RUSC2: variants seen among roughly 807,000 people sequenced by gnomAD.
RUSC2 encodes AP-4 complex accessory subunit RUSC2.
Under a neutral mutation model 122.2 loss-of-function variants are expected in RUSC2, and 34 were observed. The observed-to-expected ratio is 0.28, with a 90% CI of 0.21 to 0.37. The LOEUF (loss-of-function observed/expected upper bound fraction) is 0.37, where lower values mean the gene tolerates loss of function less well. RUSC2 is among the 10% of genes least tolerant of loss of function. The probability of loss-of-function intolerance (pLI) is 1.00; values close to 1 mark genes in which losing one functional copy is unlikely to be tolerated. For missense variants in RUSC2, 1,747 were observed against 1,952.4 expected, an observed-to-expected ratio of 0.89 and a Z score of 1.98; for synonymous variants, 784 against 790.0, an observed-to-expected ratio of 0.99 and a Z score of 0.13.
rs890908017 is a variant in RUSC2, at chr9:35,555,813, C to A, written c.2656+112C>A. 1.4e-6 allele frequency: 2 copies of A among 1,462,694 alleles called. No homozygotes were observed. The highest frequency in any genetic ancestry group is 9.2e-7 in the Non-Finnish European group (1 of 1,087,202). 90.6% of individuals were successfully genotyped at this position (1,462,694 alleles called of 1,614,324 possible). On this transcript the variant is annotated intron_variant, in intron 3 of 11. Coordinates refer to ENST00000361226, the MANE Select transcript of RUSC2 (RefSeq NM_014806.5). The surrounding 1 kb of genome is among the most constrained non-coding windows in gnomAD (Gnocchi z 4.6). ...CACCTGGGGCCAGAGGTTAGGATGT[C>A]TGCATCCCTCCCTCAGCATCTGTAG...
At chr9:35,534,492 A>ATT (rs1336230581) in intron 1 of RUSC2, among the ~76,000 whole-genome samples, 2 of 149,702 alleles carry the variant, frequency 1.3e-5, no homozygotes, top group Non-Finnish European at 3.0e-5. Context: ...TTACTTATTT[A>ATT]TTTTTTTGAG....
In RUSC2 at chr9:35,555,888, G is replaced by A; in HGVS notation, c.2657-64G>A. 3 of 1,568,224 alleles carry A rather than the reference G, an allele frequency of 1.9e-6. No homozygotes were observed. The highest frequency in any genetic ancestry group is 2.6e-6 in the Non-Finnish European group (3 of 1,151,068). ...TTTCATATGGGCCCACTGGGTGGAT[G>A]TGAAACTCTGTCTCGCTGTCTCCTG... On this transcript the variant is annotated intron_variant, in intron 3 of 11. Transcript: ENST00000361226. The surrounding 1 kb of genome is among the most constrained non-coding windows in gnomAD (Gnocchi z 4.6).
chr9:35,556,293 T>C lies in RUSC2; in HGVS notation c.2843-15T>C. The C allele has an allele frequency of 1.2e-6, 2 of 1,613,560 alleles. No homozygotes were observed. The highest frequency in any genetic ancestry group is 1.7e-6 in the Non-Finnish European group (2 of 1,179,740). ...ACTGAGAGTTGCTCAGGATTGATTT[T>C]TCTCTTCTTTCCAGGCCAAGCAGTG... On this transcript the variant is annotated splice_polypyrimidine_tract_variant and intron_variant, in intron 4 of 11. Transcript: ENST00000361226.
intron 1 of RUSC2, among the ~76,000 whole-genome samples, chr9:35,519,358 A>C (rs997304522): frequency 1.3e-5 from 2 of 152,226 alleles, no homozygotes; most frequent in African/African-American, 4.8e-5. Flanking sequence ...CAGCCTGGAC[A>C]AAACCTATCC....
At position 35,546,979 on chromosome 9, in the gene RUSC2, C is replaced by G; in HGVS notation, c.458C>G (p.Pro153Arg). The change falls in exon 2 of 12, where the codon CCC becomes CGC. Residue 153 changes from proline to arginine, a missense_variant. By Grantham distance (103) the Pro-to-Arg change is moderately radical. Transcript: ENST00000361226. This position sits in a 1 kb window ranked among gnomAD's most constrained non-coding sequence, Gnocchi z 4.3. ...LSSFQLPPSGPRVGRPWGTTR... is the reference protein window; with the variant it reads ...LSSFQLPPSGRRVGRPWGTTR... ...TCTTTCCAGCTGCCACCATCTGGCCCCAGAGTGGGCAGGCCATGGGGGACA... is the reference window on the plus strand; with the variant it reads ...TCTTTCCAGCTGCCACCATCTGGCCGCAGAGTGGGCAGGCCATGGGGGACA... The G allele has an allele frequency of 6.3e-7, 1 of 1,590,088 alleles. No individual in the cohort carries two copies.
Position 35,561,422 on chromosome 9 carries a change from C to G in RUSC2, c.*40C>G, listed in dbSNP as rs770376587. The G allele has an allele frequency of 1.2e-5, 19 of 1,527,854 alleles. No homozygotes were observed. In the African/African-American group the frequency reaches 1.9e-4, roughly 16 times the overall value. The allele number at this position is 1,527,854 out of a possible 1,614,324, so 94.6% of individuals were successfully genotyped here. A position where few individuals can be genotyped will look rare whatever the true frequency, so the allele number is the denominator to read the frequency against. On this transcript the variant is annotated 3_prime_UTR_variant, in exon 12 of 12. Coordinates refer to ENST00000361226, the MANE Select transcript of RUSC2 (RefSeq NM_014806.5). ...TGGTGGCCTCAGGGACCCTCATAAC[C>G]CCCAGACTCAGAGCCCGAGAGCCCT...
At chr9:35,545,190 G>T (rs1252658594) in intron 1 of RUSC2, among the ~76,000 whole-genome samples, 1 of 152,136 alleles carries the variant, frequency 6.6e-6, no homozygotes, top group Admixed American at 6.5e-5. Flanking sequence ...TGGTCTACAT[G>T]AGTTAAATTT....
chr9:35,560,503 G>A lies in RUSC2; in HGVS notation c.3863G>A (p.Gly1288Asp). Reference protein sequence around the residue: ...SQVYIDGSIEGSRFPRGSSNS... With the variant: ...SQVYIDGSIEDSRFPRGSSNS... ...GTCTACATCGATGGCTCCATTGAGG[G>A]TTCCAGGTTCCCTCGTGGTAGCAGC... The change falls in exon 10 of 12, where the codon GGT becomes GAT. Residue 1288 changes from glycine (G) to aspartate (D), a missense_variant. By Grantham distance (94) the Gly-to-Asp change is moderately conservative. Transcript: ENST00000361226. 2 of 1,614,210 alleles carry A rather than the reference G, an allele frequency of 1.2e-6. No individual in the cohort carries two copies. The highest frequency in any genetic ancestry group is 1.7e-6 in the Non-Finnish European group (2 of 1,180,020).
chr9:35,560,743 C>A lies in RUSC2; in HGVS notation c.4103C>A (p.Ser1368Ter). ...CGGGAGAGGGAAGGGCCCGCTGCCT[C>A]GCCAGCAGAAAATGAGGAAGGGGCC... is the stretch of plus-strand genomic sequence containing the variant. Reference protein sequence around the residue: ...RSREREGPAASPAENEEGASE... With the variant: ...RSREREGPAA Residue 1368 changes from serine (S) to a stop codon, truncating the protein, a stop_gained, in exon 10 of 12, where the codon TCG (serine) becomes TAG (stop). Coordinates refer to ENST00000361226, the MANE Select transcript of RUSC2 (RefSeq NM_014806.5). LOFTEE classifies it high-confidence loss of function. The A allele has an allele frequency of 6.5e-7, 1 of 1,539,644 alleles. No individual in the cohort carries two copies. The highest frequency in any genetic ancestry group is 8.7e-7 in the Non-Finnish European group (1 of 1,145,124).
chr9:35,558,739 G>T lies in RUSC2; in HGVS notation c.3341+172G>T, dbSNP rs530199780. ...GTCACTGCCTCCCCACTGTGCCCAT[G>T]ACTCTGTCACTGGTCACCAACGTGG... On this transcript the variant is annotated intron_variant, in intron 8 of 11. Transcript: ENST00000361226. The surrounding 1 kb of genome is among the most constrained non-coding windows in gnomAD (Gnocchi z 4.3). 1.3e-5 allele frequency among the ~76,000 whole-genome samples: 2 copies of T among 152,340 alleles called. No individual in the cohort carries two copies. Among genetic ancestry groups the T allele is most frequent in the Non-Finnish European group, 2.9e-5 (2 of 68,032 alleles).
chr9:35,493,752 C>T (rs7027060), intron 1 of RUSC2, among the ~76,000 whole-genome samples: 5,182 of 152,230 alleles, frequency 0.034, 311 homozygotes, highest in African/African-American at 0.12. Context: ...ATCCACTAGC[C>T]TCAGCCTCCC....
chr9:35,505,600 A>C (rs557221837), intron 1 of RUSC2, among the ~76,000 whole-genome samples: 1 of 152,334 alleles, frequency 6.6e-6, no homozygotes, highest in Non-Finnish European at 1.5e-5. Flanking sequence ...TCAGAGATCT[A>C]GAGAGAAATT....
intron 1 of RUSC2, among the ~76,000 whole-genome samples, chr9:35,506,520 A>G (rs1238760452): frequency 6.6e-6 from 1 of 152,220 alleles, no homozygotes; most frequent in South Asian, 2.1e-4. Flanking sequence ...ATAGAGAATG[A>G]ATGAATGAAT....
chr9:35,561,857 T>TATTA lies in RUSC2; in HGVS notation c.*476_*479dup. 3.1e-6 allele frequency: 2 copies of TATTA among 650,746 alleles called. No individual in the cohort carries two copies. The highest frequency in any genetic ancestry group is 1.8e-5 in the South Asian group (1 of 57,032). The allele number at this position is 650,746 out of a possible 1,614,324, so 40.3% of individuals were successfully genotyped here. ...CTGTTTATGTATTTATTTATTTATT[T>TATTA]ATTATACCTATTAATAAAAAAGGTG... On this transcript the variant is annotated 3_prime_UTR_variant, in exon 12 of 12. Coordinates refer to ENST00000361226, the MANE Select transcript of RUSC2 (RefSeq NM_014806.5).
intron 2 of RUSC2, chr9:35,549,170 T>A: frequency 1.0e-6 from 1 of 985,408 alleles, no homozygotes; most frequent in Non-Finnish European, 1.2e-6. Flanking sequence ...ATAGGGGCTG[T>A]AATCACAGGA....
chr9:35,524,455 C>CT (rs1222636149), intron 1 of RUSC2, among the ~76,000 whole-genome samples: 6 of 152,136 alleles, frequency 3.9e-5, no homozygotes, highest in African/African-American at 1.4e-4. Flanking sequence ...CCATAGATTG[C>CT]TTATTAATTA....
In RUSC2 at chr9:35,557,772, A is replaced by G; in HGVS notation, c.2984-142A>G. 1 of 700,512 alleles carries G rather than the reference A, an allele frequency of 1.4e-6. No homozygotes were observed. Among genetic ancestry groups the G allele is most frequent in the Non-Finnish European group, 2.6e-6 (1 of 387,208 alleles). 43.4% of individuals were successfully genotyped at this position (700,512 alleles called of 1,614,324 possible). A position where few individuals can be genotyped will look rare whatever the true frequency, so the allele number is the denominator to read the frequency against. The stretch of plus-strand genomic sequence containing the variant: ...AGAACCAGAAAAGGGCCAGGCCTGA[A>G]TGTTTTGATAAGACCCATGTGCAGA... On this transcript the variant is annotated intron_variant, in intron 5 of 11. Coordinates refer to ENST00000361226, the MANE Select transcript of RUSC2 (RefSeq NM_014806.5). The surrounding 1 kb of genome is among the most constrained non-coding windows in gnomAD (Gnocchi z 4.6).
chr9:35,490,163 G>T lies in RUSC2; in HGVS notation c.-102G>T. On this transcript the variant is annotated 5_prime_UTR_variant, in exon 1 of 12. Coordinates refer to ENST00000361226, the MANE Select transcript of RUSC2 (RefSeq NM_014806.5). ...CGGCGCGGAAGGACGAGGCTGAGGCGAGAAACGAGGTAGGAACGCCTCTCC... is the reference window on the plus strand; with the variant it reads ...CGGCGCGGAAGGACGAGGCTGAGGCTAGAAACGAGGTAGGAACGCCTCTCC... 1.3e-5 allele frequency: 2 copies of T among 155,510 alleles called. No individual in the cohort carries two copies. Among genetic ancestry groups the T allele is most frequent in the South Asian group, 3.6e-4 (2 of 5,482 alleles). The allele number at this position is 155,510 out of a possible 1,614,324, so 9.6% of individuals were successfully genotyped here.
At chr9:35,549,406 A>G (rs2132556727) in intron 2 of RUSC2, among the ~76,000 whole-genome samples, 1 of 152,046 alleles carries the variant, frequency 6.6e-6, no homozygotes, top group African/African-American at 2.4e-5. Flanking sequence ...TTAAATAAAT[A>G]TTTTATACCA....
Sources: gnomAD v4.1 joint callset for allele counts (sites outside exome capture counted in the v4.1 genomes callset) on GRCh38, gnomAD v4.1.1 for gene constraint, Gnocchi (gnomAD v3.1) non-coding constraint, MANE v1.5 for transcripts, NCBI Gene and HGNC (gene_info 2026-07-23, HGNC 2026-07-21) for gene names.